Variants in TRAPPC10 observed in about 807,000 individuals in gnomAD.
TRAPPC10 encodes the protein trafficking protein particle complex subunit 10.
In TRAPPC10, 23 loss-of-function variants were observed where a neutral mutation model predicts 125.5. That is an observed-to-expected ratio of 0.18 (90% confidence interval 0.13 to 0.26). TRAPPC10 has a LOEUF of 0.26. Among genes scored for constraint, TRAPPC10 ranks in the 10% least tolerant of loss-of-function variants. TRAPPC10 has a pLI of 1.00. For missense variants in TRAPPC10, 1,123 were observed against 1,308.4 expected (o/e 0.86, Z 2.19); for synonymous variants, 509 against 518.0 (o/e 0.98, Z 0.24).
At chr21:44,017,477 T>C (rs1261350147) in intron 1 of TRAPPC10, among the ~76,000 whole-genome samples, 3 of 152,166 alleles carry the variant, frequency 2.0e-5, no homozygotes, top group Non-Finnish European at 4.4e-5. Flanking sequence ...TTTTAGTGTC[T>C]CGGTAATTTT....
intron 4 of TRAPPC10, 119 bp downstream of exon 4, chr21:44,052,595 T>C: frequency 4.3e-6 from 4 of 940,104 alleles, no homozygotes; most frequent in South Asian, 3.4e-5. Context: ...CATGGGGTGC[T>C]GTCAAGGAGA....
chr21:44,016,040 G>A (rs1370192288), intron 1 of TRAPPC10, among the ~76,000 whole-genome samples: 1 of 152,226 alleles, frequency 6.6e-6, no homozygotes, highest in Non-Finnish European at 1.5e-5. Context: ...ATACTGAAGA[G>A]TGTATGTGAA....
At chr21:44,048,386 G>C (rs1412360438) in intron 3 of TRAPPC10, among the ~76,000 whole-genome samples, 2 of 152,140 alleles carry the variant, frequency 1.3e-5, no homozygotes, top group Non-Finnish European at 2.9e-5. Flanking sequence ...TCCCATCTCT[G>C]AGTGTTGAGG....
Position 44,067,447 on chromosome 21 carries a change from G to A in TRAPPC10, c.1038+3662G>A, listed in dbSNP as rs143722971. ...GATCTTGTGCACCCATGAGCCATGA[G>A]GGGGAGGAGCTGGATTGAAGGAGGA... is the stretch of plus-strand genomic sequence containing the variant. On this transcript the variant is annotated intron_variant, in intron 7 of 22. Transcript: ENST00000291574. Among the ~76,000 whole-genome samples, 806 of 152,312 alleles carry A rather than the reference G, an allele frequency of 5.3e-3. 11 individuals are homozygous for A. The highest frequency in any genetic ancestry group is 3.9e-3 in the Admixed American group (60 of 15,300).
At chr21:44,046,892 G>A in intron 3 of TRAPPC10, 3 of 820,356 alleles carry the variant, frequency 3.7e-6, no homozygotes, top group Non-Finnish European at 4.3e-6. Flanking sequence ...GTACACAGCG[G>A]CAGTCGCGCC....
intron 2 of TRAPPC10, among the ~76,000 whole-genome samples, chr21:44,032,641 C>T (rs1384731341): frequency 6.6e-6 from 1 of 152,202 alleles, no homozygotes; most frequent in African/African-American, 2.4e-5. Flanking sequence ...CTCGGCCTCT[C>T]AAGGTGCTGG....
intron 3 of TRAPPC10, among the ~76,000 whole-genome samples, chr21:44,047,326 G>A (rs537579255): frequency 6.6e-6 from 1 of 152,060 alleles, no homozygotes; most frequent in Non-Finnish European, 1.5e-5. Context: ...AAGTATAGGC[G>A]TGTGCCACCG....
At position 44,026,435 on chromosome 21, in the gene TRAPPC10, G is replaced by C. The variant is rs1165778841; in HGVS notation, c.68-5656G>C. Among the ~76,000 whole-genome samples, 5 of 152,210 alleles carry C rather than the reference G, an allele frequency of 3.3e-5. No individual in the cohort carries two copies. The South Asian group carries it at 1.0e-3, about 32-fold the overall frequency. ...AGATGACTTCCCAGTTTGTAATCTC[G>C]GATGTTTTTATCGTCCATTTGAAAG... On this transcript the variant is annotated intron_variant, in intron 1 of 22. Coordinates refer to ENST00000291574, the MANE Select transcript of TRAPPC10 (RefSeq NM_003274.5).
Position 44,083,122 on chromosome 21 carries a change from T to C in TRAPPC10, c.2058T>C (p.Asp686=). The C allele has an allele frequency of 3.7e-6, 6 of 1,614,166 alleles. No homozygotes were observed. Among genetic ancestry groups the C allele is most frequent in the Non-Finnish European group, 5.1e-6 (6 of 1,180,032 alleles). Residue 686 remains aspartate (D), a synonymous_variant, in exon 14 of 23, where the codon GAT becomes GAC. Coordinates refer to ENST00000291574, the MANE Select transcript of TRAPPC10 (RefSeq NM_003274.5). Reference sequence around the variant, plus strand: ...AAATGTTTGAGAGAAGCCCATCTGATAACTCCTTGAACACGACTGGGATTA... The same window carrying C: ...AAATGTTTGAGAGAAGCCCATCTGACAACTCCTTGAACACGACTGGGATTA... ...LYEMFERSPS[D]NSLNTTGIIC...
chr21:44,037,318 AC>A (rs1235165150), intron 2 of TRAPPC10, among the ~76,000 whole-genome samples: 1 of 152,210 alleles, frequency 6.6e-6, no homozygotes, highest in East Asian at 1.9e-4. Context: ...TGCTCTGCAA[AC>A]AAAAATATGT....
intron 1 of TRAPPC10, among the ~76,000 whole-genome samples, chr21:44,029,205 C>T (rs908436507): frequency 6.6e-6 from 1 of 152,192 alleles, no homozygotes; most frequent in Non-Finnish European, 1.5e-5. Context: ...CACCATTCTC[C>T]TGCCTCAGCC....
At chr21:44,092,185 C>A in intron 19 of TRAPPC10, 136 bp downstream of exon 19, 2 of 1,094,054 alleles carry the variant, frequency 1.8e-6, no homozygotes, top group Non-Finnish European at 2.5e-6. Flanking sequence ...CTGTGCAGCT[C>A]CTCCGGCTGC....
At chr21:44,019,958 G>T (rs1446686571) in intron 1 of TRAPPC10, among the ~76,000 whole-genome samples, 1 of 152,136 alleles carries the variant, frequency 6.6e-6, no homozygotes, top group Non-Finnish European at 1.5e-5. Context: ...CCCTTCTTAG[G>T]AAAAGTCCAG....
chr21:44,088,230 C>G (rs555565391), intron 17 of TRAPPC10: 1 of 415,528 alleles, frequency 2.4e-6, no homozygotes, highest in South Asian at 2.7e-5. Context: ...GGGTCATGTC[C>G]ATTAGACCGG....
At chr21:44,076,215 A>G (rs1255821940) in intron 9 of TRAPPC10, among the ~76,000 whole-genome samples, 1 of 152,224 alleles carries the variant, frequency 6.6e-6, no homozygotes, top group African/African-American at 2.4e-5. Context: ...AAGGGAAAAA[A>G]TACGTAGTAT....
chr21:44,090,677 C>T (rs1009443971), intron 18 of TRAPPC10, among the ~76,000 whole-genome samples: 16 of 152,162 alleles, frequency 1.1e-4, no homozygotes, highest in Non-Finnish European at 1.3e-4. Context: ...ACCTTAGTGA[C>T]GGTGCTAGCG....
Position 44,047,073 on chromosome 21 carries a change from G to GCAGA in TRAPPC10, c.286-5206_286-5203dup, listed in dbSNP as rs141633434. The stretch of plus-strand genomic sequence containing the variant: ...TTCTGCTGAAGCTCAAGCAAGCAAG[G>GCAGA]CAGAGAAAGGGCTAATCAGACCCAT... On this transcript the variant is annotated intron_variant, in intron 3 of 22. Coordinates refer to ENST00000291574, the MANE Select transcript of TRAPPC10 (RefSeq NM_003274.5). 5.8e-3 allele frequency: 4,004 copies of GCAGA among 686,842 alleles called. 100 individuals carry two copies. The highest frequency in any genetic ancestry group is 0.058 in the African/African-American group (3,245 of 56,218). 42.5% of individuals were successfully genotyped at this position (686,842 alleles called of 1,614,324 possible). A position where few individuals can be genotyped will look rare whatever the true frequency, so the allele number is the denominator to read the frequency against.
chr21:44,081,696 G>T (rs891309610), intron 13 of TRAPPC10, among the ~76,000 whole-genome samples: 5 of 152,104 alleles, frequency 3.3e-5, no homozygotes, highest in African/African-American at 9.7e-5. Context: ...AGACCAGCCT[G>T]GGCAACATGG....
chr21:44,050,175 G>A, intron 3 of TRAPPC10, among the ~76,000 whole-genome samples: 1 of 152,010 alleles, frequency 6.6e-6, no homozygotes, highest in East Asian at 1.9e-4. Context: ...TTAACATGTC[G>A]TTTTGTTTGC....
Sources: gnomAD v4.1 joint callset for allele counts (sites outside exome capture counted in the v4.1 genomes callset) on GRCh38, gnomAD v4.1.1 for gene constraint, MANE v1.5 for transcripts, NCBI Gene and HGNC (gene_info 2026-07-23, HGNC 2026-07-21) for gene names.